ARHGAP15: variants seen among roughly 807,000 people sequenced by gnomAD.
The protein encoded by ARHGAP15 is rho GTPase-activating protein 15.
Under a neutral mutation model 63.7 loss-of-function variants are expected in ARHGAP15, and 51 were observed. The ratio of observed to expected loss-of-function variants is 0.80; its 90% CI spans 0.64 to 1.01. ARHGAP15 has a LOEUF of 1.01. Ranked by LOEUF, ARHGAP15 falls within the 50% of genes least tolerant of loss-of-function variation. The probability of loss-of-function intolerance (pLI) is 0.00; values close to 1 mark genes in which losing one functional copy is unlikely to be tolerated. For missense variants in ARHGAP15, 560 were observed against 564.6 expected, an observed-to-expected ratio of 0.99 and a Z score of 0.08; for synonymous variants, 191 against 193.8, an observed-to-expected ratio of 0.99 and a Z score of 0.12.
intron 6 of ARHGAP15, among the ~76,000 whole-genome samples, chr2:143,255,270 C>T (rs1680362552): frequency 6.6e-6 from 1 of 151,876 alleles, no homozygotes; most frequent in Non-Finnish European, 1.5e-5. Flanking sequence ...TGTTATCCTC[C>T]CCCCGCCACC....
chr2:143,550,852 G>A (rs1432103775), intron 10 of ARHGAP15, among the ~76,000 whole-genome samples: 2 of 152,212 alleles, frequency 1.3e-5, no homozygotes, highest in African/African-American at 2.4e-5. Context: ...AAAACAAAAT[G>A]TCCCAAATTT....
rs532157727 is a variant in ARHGAP15, at chr2:143,415,996, G to A, written c.475-19605G>A. Among the ~76,000 whole-genome samples the A allele has an allele frequency of 2.6e-5, 4 of 152,118 alleles. No individual in the cohort carries two copies. The East Asian group carries it at 7.8e-4, about 29-fold the overall frequency. On this transcript the variant is annotated intron_variant, in intron 6 of 13. Coordinates refer to ENST00000295095, the MANE Select transcript of ARHGAP15 (RefSeq NM_018460.4). ...AGGGGAAAGGGTGGGAAGGGGCTAA[G>A]GCATAAAAGACTACAAATCAGGTGC...
chr2:143,598,581 C>A (rs543955012), intron 11 of ARHGAP15, among the ~76,000 whole-genome samples: 1 of 152,096 alleles, frequency 6.6e-6, no homozygotes, highest in Non-Finnish European at 1.5e-5. Flanking sequence ...CTTTACTATG[C>A]CTGGCCTGAT....
At chr2:143,710,318 C>G (rs781652968) in intron 13 of ARHGAP15, among the ~76,000 whole-genome samples, 8 of 152,078 alleles carry the variant, frequency 5.3e-5, no homozygotes, top group Non-Finnish European at 1.2e-4. Context: ...AACTGGACTC[C>G]CATAGCAGAA....
chr2:143,238,702 C>G (rs1370834803), intron 5 of ARHGAP15, among the ~76,000 whole-genome samples: 1 of 152,106 alleles, frequency 6.6e-6, no homozygotes, highest in Non-Finnish European at 1.5e-5. Flanking sequence ...AGTACATACC[C>G]AAAGGAATAT....
intron 12 of ARHGAP15, among the ~76,000 whole-genome samples, chr2:143,654,576 A>T (rs1218079598): frequency 6.6e-6 from 1 of 152,198 alleles, no homozygotes; most frequent in Non-Finnish European, 1.5e-5. Context: ...ACTTCCCTAA[A>T]GTATTTTCAG....
At chr2:143,469,630 T>C (rs1238269193) in intron 8 of ARHGAP15, among the ~76,000 whole-genome samples, 1 of 152,176 alleles carries the variant, frequency 6.6e-6, no homozygotes, top group Non-Finnish European at 1.5e-5. Context: ...ATTTGAAACG[T>C]GGCTAGACTG....
At chr2:143,715,313 C>T (rs924675726) in intron 13 of ARHGAP15, among the ~76,000 whole-genome samples, 1 of 152,218 alleles carries the variant, frequency 6.6e-6, no homozygotes, top group African/African-American at 2.4e-5. Flanking sequence ...CACTGGGTTC[C>T]TCCCACAAGA....
intron 6 of ARHGAP15, among the ~76,000 whole-genome samples, chr2:143,319,370 G>A (rs769913808): frequency 3.2e-4 from 48 of 151,574 alleles, no homozygotes; most frequent in Non-Finnish European, 5.0e-4. Context: ...GATTACAGGC[G>A]CGCATCACCA....
At chr2:143,139,793 ATAG>A (rs1430772610) in intron 1 of ARHGAP15, among the ~76,000 whole-genome samples, 2 of 152,074 alleles carry the variant, frequency 1.3e-5, no homozygotes, top group Non-Finnish European at 1.5e-5. Context: ...TCTTACAGAG[ATAG>A]TAGTGGTATT....
At chr2:143,161,325 C>A (rs190608469) in intron 2 of ARHGAP15, among the ~76,000 whole-genome samples, 1 of 151,892 alleles carries the variant, frequency 6.6e-6, no homozygotes, top group Non-Finnish European at 1.5e-5. Context: ...AGATTCAAAT[C>A]GCTGCCAGTT....
intron 5 of ARHGAP15, among the ~76,000 whole-genome samples, chr2:143,241,155 GTCTT>G (rs1693846125): frequency 6.6e-6 from 1 of 152,086 alleles, no homozygotes; most frequent in Admixed American, 6.6e-5. Flanking sequence ...TATATGTATA[GTCTT>G]TCTTAAAAAT....
chr2:143,729,220 C>T (rs1335807092), intron 13 of ARHGAP15, among the ~76,000 whole-genome samples: 1 of 152,146 alleles, frequency 6.6e-6, no homozygotes, highest in Non-Finnish European at 1.5e-5. Flanking sequence ...AGTTTTAGAC[C>T]CTACAGCTCA....
chr2:143,575,359 T>C (rs1696636780), intron 11 of ARHGAP15, among the ~76,000 whole-genome samples: 1 of 152,126 alleles, frequency 6.6e-6, no homozygotes, highest in Non-Finnish European at 1.5e-5. Flanking sequence ...CTGAGACTGG[T>C]GCAATAATGA....
intron 11 of ARHGAP15, among the ~76,000 whole-genome samples, chr2:143,568,448 T>TA (rs1696323710): frequency 6.6e-6 from 1 of 152,004 alleles, no homozygotes; most frequent in East Asian, 1.9e-4. Context: ...GAAATGCAAA[T>TA]AAAAACCACA....
chr2:143,746,458 C>T (rs376981197), intron 13 of ARHGAP15, among the ~76,000 whole-genome samples: 1 of 152,280 alleles, frequency 6.6e-6, no homozygotes, highest in African/African-American at 2.4e-5. Context: ...ACATGAATGT[C>T]TGTTGACAGC....
At chr2:143,493,439 T>C (rs543588832) in intron 9 of ARHGAP15, among the ~76,000 whole-genome samples, 2 of 152,374 alleles carry the variant, frequency 1.3e-5, no homozygotes, top group Admixed American at 1.3e-4. Context: ...ACTCCAGTTA[T>C]ACTGTTCTTG....
chr2:143,470,663 G>A (rs1184651043), intron 8 of ARHGAP15, among the ~76,000 whole-genome samples: 1 of 141,482 alleles, frequency 7.1e-6, no homozygotes, highest in Admixed American at 7.3e-5. Context: ...ATATATACAT[G>A]TATATATGTG....
chr2:143,678,932 T>C (rs1682959857), intron 12 of ARHGAP15, among the ~76,000 whole-genome samples: 1 of 152,222 alleles, frequency 6.6e-6, no homozygotes. Context: ...TAGTGTTACT[T>C]ATGGTTTTTT....
Sources: gnomAD v4.1 joint callset for allele counts (sites outside exome capture counted in the v4.1 genomes callset) on GRCh38, gnomAD v4.1.1 for gene constraint, MANE v1.5 for transcripts, NCBI Gene and HGNC (gene_info 2026-07-23, HGNC 2026-07-21) for gene names.